The following C10orf67 variants were observed in gnomAD, a reference collection of about 807,000 sequenced individuals.
C10orf67 encodes chromosome 10 open reading frame 67.
Under a neutral mutation model 35.6 loss-of-function variants are expected in C10orf67, and 60 were observed. The observed-to-expected ratio is 1.68, with a 90% CI of 1.37 to 2.09. The LOEUF (loss-of-function observed/expected upper bound fraction) is 2.09, where lower values mean the gene tolerates loss of function less well. Among genes scored for constraint, C10orf67 ranks in the 30% most tolerant of loss-of-function variants. The pLI, the probability that C10orf67 is intolerant of heterozygous loss-of-function variation, is 0.00. For synonymous variants in C10orf67, 167 were observed against 115.8 expected (o/e 1.44, Z -2.84); for missense variants, 474 against 330.2 (o/e 1.44, Z -3.38).
chr10:23,244,888 T>A (rs1564469442), intron 12 of C10orf67, among the ~76,000 whole-genome samples: 1 of 152,164 alleles, frequency 6.6e-6, no homozygotes, highest in Admixed American at 6.5e-5. Context: ...CCCAAATGGC[T>A]AGCCAAAGCA....
In C10orf67 at chr10:23,303,433, A is replaced by C. The variant is rs1844162925; in HGVS notation, c.573T>G (p.Asn191Lys). The C allele has an allele frequency of 1.7e-6, 1 of 590,558 alleles. No homozygotes were observed. Among genetic ancestry groups the C allele is most frequent in the Admixed American group, 3.2e-5 (1 of 30,840 alleles). The allele number at this position is 590,558 out of a possible 1,614,324, so 36.6% of individuals were successfully genotyped here. Residue 191 changes from asparagine to lysine, a missense_variant, in exon 5 of 16, where the codon AAT becomes AAG. By Grantham distance (94) the Asn-to-Lys change is moderately conservative. Transcript: ENST00000636213. ...CAGTACTCGCATCTTGCAAAGAAAC[A>C]TTCTCTTCTTCTACCTCAAAGAATT... is the stretch of plus-strand genomic sequence containing the variant. ...YQQFFEVEEE[N>K]VSLQDASTVK...
chr10:23,305,612 G>T (rs954426371), intron 4 of C10orf67, among the ~76,000 whole-genome samples: 5 of 152,122 alleles, frequency 3.3e-5, no homozygotes, highest in African/African-American at 1.2e-4. Flanking sequence ...ACTACAATGA[G>T]ATATTACCTC....
chr10:23,256,161 C>T (rs2132170163), intron 10 of C10orf67, among the ~76,000 whole-genome samples: 1 of 152,228 alleles, frequency 6.6e-6, no homozygotes, highest in Non-Finnish European at 1.5e-5. Context: ...ACCACCATGC[C>T]TGGCTAATTT....
rs377418436 is a variant in C10orf67, at chr10:23,234,472, A to G, written c.1434+5257T>C. On this transcript the variant is annotated intron_variant, in intron 13 of 15. Transcript: ENST00000636213. ...CTCCCTTATAAATGGTGAGAGCTAC[A>G]TGATGAGAACACATGGACATATAGA... 1.8e-4 allele frequency among the ~76,000 whole-genome samples: 28 copies of G among 152,310 alleles called. No individual in the cohort carries two copies. The South Asian group carries it at 4.4e-3, about 24-fold the overall frequency.
At chr10:23,232,504 C>G (rs992842839) in intron 13 of C10orf67, among the ~76,000 whole-genome samples, 1 of 152,146 alleles carries the variant, frequency 6.6e-6, no homozygotes, top group Admixed American at 6.6e-5. Flanking sequence ...TAGTTTGCCA[C>G]GGTATACATA....
chr10:23,230,664 G>C (rs544027478), intron 13 of C10orf67, among the ~76,000 whole-genome samples: 5 of 152,264 alleles, frequency 3.3e-5, no homozygotes, highest in African/African-American at 1.2e-4. Context: ...GTACCTAAAA[G>C]AGGAAACCTG....
chr10:23,281,674 T>A (rs1001025225), intron 8 of C10orf67, among the ~76,000 whole-genome samples: 5 of 152,222 alleles, frequency 3.3e-5, no homozygotes, highest in African/African-American at 1.2e-4. Flanking sequence ...CTTATGGCAA[T>A]TTGTAACTGA....
At chr10:23,319,994 T>C (rs1417293131) in intron 4 of C10orf67, among the ~76,000 whole-genome samples, 1 of 152,190 alleles carries the variant, frequency 6.6e-6, no homozygotes, top group African/African-American at 2.4e-5. Flanking sequence ...TGACCATTCA[T>C]GCATTTAGCA....
chr10:23,291,420 G>A (rs1420228903), intron 5 of C10orf67, 141 bp from the exon 6 acceptor site: 3 of 579,054 alleles, frequency 5.2e-6, no homozygotes, highest in South Asian at 2.4e-5. Context: ...AAAAAGGAAG[G>A]AGCCTAAATA....
intron 6 of C10orf67, among the ~76,000 whole-genome samples, chr10:23,290,394 T>C (rs1189156610): frequency 6.6e-6 from 1 of 152,208 alleles, no homozygotes; most frequent in Non-Finnish European, 1.5e-5. Flanking sequence ...ATATAATATA[T>C]CTCATTTTAC....
In C10orf67 at chr10:23,303,342, CTTCTTTTAA is replaced by C. The variant is rs1316095546; in HGVS notation, c.655_663del (p.Leu219_Glu221del). 2 of 617,040 alleles carry C rather than the reference CTTCTTTTAA, an allele frequency of 3.2e-6. No homozygotes were observed. The highest frequency in any genetic ancestry group is 5.8e-6 in the Non-Finnish European group (2 of 343,690). The allele number at this position is 617,040 out of a possible 1,614,324, so 38.2% of individuals were successfully genotyped here. ...CCAAAATCTTTATATTGGTCTAGTT[CTTCTTTTAA>C]TTCTTTAATAACTTCTTCTTTCTCT... On this transcript the variant is annotated inframe_deletion, in exon 5 of 16. Transcript: ENST00000636213.
chr10:23,315,084 C>T (rs768143543), intron 4 of C10orf67, among the ~76,000 whole-genome samples: 3 of 152,170 alleles, frequency 2.0e-5, no homozygotes, highest in Non-Finnish European at 2.9e-5. Context: ...ACAAACTGGG[C>T]GGCCAGGATC....
intron 13 of C10orf67, among the ~76,000 whole-genome samples, chr10:23,236,922 A>G (rs1331685163): frequency 6.6e-6 from 1 of 152,148 alleles, no homozygotes; most frequent in East Asian, 1.9e-4. Context: ...TAGGGGGTAC[A>G]TGGCAGGTTT....
intron 10 of C10orf67, among the ~76,000 whole-genome samples, chr10:23,262,030 C>T (rs1163182742): frequency 6.6e-6 from 1 of 152,142 alleles, no homozygotes; most frequent in African/African-American, 2.4e-5. Flanking sequence ...GAGAAACTGA[C>T]AAGTTTGGCC....
intron 15 of C10orf67, among the ~76,000 whole-genome samples, chr10:23,219,553 T>TA (rs1446258383): frequency 3.3e-5 from 5 of 152,210 alleles, no homozygotes; most frequent in Non-Finnish European, 7.3e-5. Context: ...TACTACTGCA[T>TA]AAAAACTGCT....
intron 5 of C10orf67, among the ~76,000 whole-genome samples, chr10:23,302,786 T>C (rs1434917419): frequency 6.6e-6 from 1 of 152,168 alleles, no homozygotes; most frequent in Non-Finnish European, 1.5e-5. Context: ...CCATCAGTAG[T>C]TTGTCTAACC....
chr10:23,278,372 T>A (rs1370697588), intron 8 of C10orf67, among the ~76,000 whole-genome samples: 1 of 152,192 alleles, frequency 6.6e-6, no homozygotes, highest in African/African-American at 2.4e-5. Context: ...ATTACGGGCT[T>A]ATTAAAGTAC....
rs553799543 is a variant in C10orf67 at position 23,298,065 on chromosome 10, C to T, written c.702+5239G>A. On this transcript the variant is annotated intron_variant, in intron 5 of 15. Coordinates refer to ENST00000636213, the MANE Select transcript of C10orf67 (RefSeq NM_001371909.1). ...GGTCAGGAGATCGAGACCATCCTGG[C>T]GAACACGGTGAAACCCCATCTCCAC... is the stretch of plus-strand genomic sequence containing the variant. 9.0e-4 allele frequency among the ~76,000 whole-genome samples: 137 copies of T among 152,134 alleles called. 1 individual carries two copies. The highest frequency in any genetic ancestry group is 1.7e-3 in the Non-Finnish European group (114 of 67,988).
chr10:23,337,234 T>C (rs2132407943), intron 1 of C10orf67, among the ~76,000 whole-genome samples: 1 of 152,222 alleles, frequency 6.6e-6, no homozygotes, highest in Non-Finnish European at 1.5e-5. Context: ...AAAAGTGACA[T>C]TAAGATAGGA....
Sources: allele counts gnomAD v4.1 joint callset (sites outside exome capture counted in the v4.1 genomes callset), GRCh38; gene constraint gnomAD v4.1.1; transcripts MANE v1.5; gene names NCBI Gene and HGNC (gene_info 2026-07-23, HGNC 2026-07-21).